The following EBF2 variants were observed in gnomAD, a reference collection of about 807,000 sequenced individuals.
EBF2 encodes the protein EBF transcription factor 2.
A neutral mutation model predicts 72.8 loss-of-function variants in EBF2; 21 were observed. That is an observed-to-expected ratio of 0.29 (90% confidence interval 0.20 to 0.42). The LOEUF (loss-of-function observed/expected upper bound fraction) is 0.42. Among genes scored for constraint, EBF2 ranks in the 10% least tolerant of loss-of-function variants. The pLI, the probability that EBF2 is intolerant of heterozygous loss-of-function variation, is 1.00. For missense variants in EBF2, 637 were observed against 731.2 expected (o/e 0.87, Z 1.49); for synonymous variants, 299 against 274.2 (o/e 1.09, Z -0.89).
chr8:25,915,947 G>A (rs1803206781), intron 6 of EBF2, among the ~76,000 whole-genome samples: 1 of 152,124 alleles, frequency 6.6e-6, no homozygotes, highest in African/African-American at 2.4e-5. Flanking sequence ...CAATGATGAT[G>A]ATGATTCAAT....
At chr8:25,888,472 T>C (rs1802728084) in intron 8 of EBF2, among the ~76,000 whole-genome samples, 1 of 152,230 alleles carries the variant, frequency 6.6e-6, no homozygotes, top group Admixed American at 6.5e-5. Context: ...TTTTTGCCCA[T>C]ATTTTTATAA....
chr8:26,028,343 T>C (rs13275014), intron 6 of EBF2, among the ~76,000 whole-genome samples: 147,376 of 152,336 alleles, frequency 0.97, 71,304 homozygotes, highest in East Asian at 1. Flanking sequence ...ATGAGACCAA[T>C]GTCCAGGGAC....
intron 6 of EBF2, among the ~76,000 whole-genome samples, chr8:25,913,542 A>G (rs1280327849): frequency 6.6e-6 from 1 of 152,200 alleles, no homozygotes; most frequent in Non-Finnish European, 1.5e-5. Context: ...AATATGCAAA[A>G]TGCCTTTCAC....
intron 6 of EBF2, among the ~76,000 whole-genome samples, chr8:25,955,532 T>TA (rs1283411065): frequency 3.3e-5 from 5 of 152,136 alleles, no homozygotes; most frequent in East Asian, 1.9e-4. Flanking sequence ...TCCAGGCACA[T>TA]AAAAAAAATG....
intron 6 of EBF2, among the ~76,000 whole-genome samples, chr8:26,031,206 A>G (rs921628771): frequency 6.6e-6 from 1 of 152,132 alleles, no homozygotes; most frequent in African/African-American, 2.4e-5. Context: ...AAAAGACTAG[A>G]TCAAGATTAG....
At chr8:25,895,284 A>G (rs911292734) in intron 7 of EBF2, among the ~76,000 whole-genome samples, 6 of 152,218 alleles carry the variant, frequency 3.9e-5, no homozygotes, top group African/African-American at 1.4e-4. Flanking sequence ...TTTCTGAGAG[A>G]GAAATCAGGA....
intron 6 of EBF2, among the ~76,000 whole-genome samples, chr8:25,995,373 C>T (rs1178084596): frequency 6.6e-6 from 1 of 151,950 alleles, no homozygotes; most frequent in African/African-American, 2.4e-5. Context: ...TTAAAGCAAA[C>T]ATATTTATAC....
intron 6 of EBF2, among the ~76,000 whole-genome samples, chr8:25,917,343 A>G (rs1202479382): frequency 6.6e-6 from 1 of 152,156 alleles, no homozygotes; most frequent in African/African-American, 2.4e-5. Flanking sequence ...ATCTGACACC[A>G]TTAATGAAAA....
At chr8:25,999,940 A>G (rs1385109922) in intron 6 of EBF2, among the ~76,000 whole-genome samples, 2 of 152,148 alleles carry the variant, frequency 1.3e-5, no homozygotes, top group African/African-American at 4.8e-5. Context: ...GCCCCAGTCC[A>G]TGGGACCTCA....
chr8:25,844,433 C>T lies in EBF2; in HGVS notation c.*176G>A. The T allele has an allele frequency of 1.3e-5, 8 of 626,568 alleles. No individual in the cohort carries two copies. The highest frequency in any genetic ancestry group is 2.2e-5 in the Non-Finnish European group (8 of 355,958). 38.8% of individuals were successfully genotyped at this position (626,568 alleles called of 1,614,324 possible). A position where few individuals can be genotyped will look rare whatever the true frequency, so the allele number is the denominator to read the frequency against. ...CAAGAGGGTCAGTTTGTGTAGCCAC[C>T]ATCAGAGCTATAGGAGGACGTGGGA... On this transcript the variant is annotated 3_prime_UTR_variant, in exon 16 of 16. Transcript: ENST00000520164.
intron 6 of EBF2, among the ~76,000 whole-genome samples, chr8:26,017,542 G>T (rs751073358): frequency 6.6e-6 from 1 of 152,116 alleles, no homozygotes; most frequent in African/African-American, 2.4e-5. Context: ...GAGTTCTAGG[G>T]CATGTTCTGT....
intron 6 of EBF2, among the ~76,000 whole-genome samples, chr8:25,940,074 A>T (rs1803644348): frequency 6.6e-6 from 1 of 152,208 alleles, no homozygotes; most frequent in South Asian, 2.1e-4. Flanking sequence ...TTATAAACAC[A>T]TAGCTAGCCA....
chr8:25,959,553 G>T (rs1269835652), intron 6 of EBF2, among the ~76,000 whole-genome samples: 1 of 152,168 alleles, frequency 6.6e-6, no homozygotes, highest in East Asian at 1.9e-4. Context: ...AAATGTAACG[G>T]CCATTTTTCT....
intron 6 of EBF2, among the ~76,000 whole-genome samples, chr8:25,959,337 TG>T (rs1430060329): frequency 6.6e-6 from 1 of 152,184 alleles, no homozygotes; most frequent in Non-Finnish European, 1.5e-5. Flanking sequence ...CCTGAGTAGC[TG>T]GGATTACAGG....
intron 10 of EBF2, among the ~76,000 whole-genome samples, chr8:25,883,899 GCTT>G (rs1275966889): frequency 3.9e-5 from 6 of 152,046 alleles, no homozygotes; most frequent in African/African-American, 1.2e-4. Context: ...CACGCTTCTG[GCTT>G]CTTCTTACCC....
intron 6 of EBF2, among the ~76,000 whole-genome samples, chr8:25,995,300 C>G (rs973248970): frequency 6.6e-6 from 1 of 152,084 alleles, no homozygotes; most frequent in African/African-American, 2.4e-5. Flanking sequence ...GAGTGAAACT[C>G]TGCCTCAAAA....
At chr8:26,039,955 A>T in intron 5 of EBF2, 73 bp downstream of exon 5, 1 of 1,540,118 alleles carries the variant, frequency 6.5e-7, no homozygotes, top group Non-Finnish European at 9.0e-7. Context: ...TAGTCCCGGG[A>T]ACGCGGCGCG....
intron 1 of EBF2, among the ~76,000 whole-genome samples, chr8:26,042,511 C>T (rs1047906396): frequency 6.6e-6 from 1 of 152,136 alleles, no homozygotes; most frequent in Admixed American, 6.5e-5. Flanking sequence ...CACCGCTGGG[C>T]CACTCACCAT....
intron 6 of EBF2, chr8:26,032,028 T>C (rs1805416338): frequency 6.6e-6 from 1 of 152,200 alleles, no homozygotes; most frequent in Admixed American, 6.5e-5. Flanking sequence ...TTCAAGCATC[T>C]CAGAGAACAC....
Sources: gnomAD v4.1 joint callset for allele counts (sites outside exome capture counted in the v4.1 genomes callset) on GRCh38, gnomAD v4.1.1 for gene constraint, MANE v1.5 for transcripts, NCBI Gene and HGNC (gene_info 2026-07-23, HGNC 2026-07-21) for gene names.